The following MAPK10 variants were observed in gnomAD, a reference collection of about 807,000 sequenced individuals.
MAPK10 encodes the protein JNK3 alpha protein kinase.
In MAPK10, 25 loss-of-function variants were observed where a neutral mutation model predicts 59.3. The ratio of observed to expected loss-of-function variants is 0.42; its 90% CI spans 0.31 to 0.59. MAPK10 has a LOEUF of 0.59. Among genes scored for constraint, MAPK10 ranks in the 20% least tolerant of loss-of-function variants. The pLI, the probability that MAPK10 is intolerant of heterozygous loss-of-function variation, is 0.15. For missense variants in MAPK10, 351 were observed against 568.9 expected (o/e 0.62, Z 3.90); for synonymous variants, 190 against 200.5 (o/e 0.95, Z 0.44).
intron 8 of MAPK10, 122 bp downstream of exon 8, chr4:86,100,930 T>C: frequency 1.3e-6 from 1 of 770,162 alleles, no homozygotes; most frequent in Non-Finnish European, 2.0e-6. Flanking sequence ...ACCCTGAATA[T>C]GCTATCTGGC....
upstream of MAPK10, among the ~76,000 whole-genome samples, chr4:86,363,168 CACAGAGATAA>C (rs1487776228): frequency 2.0e-5 from 3 of 152,132 alleles, no homozygotes; most frequent in Middle Eastern, 6.8e-3. Context: ...AAAGATAACA[CACAGAGATAA>C]ATAAATACAA....
At chr4:86,524,341 C>A (rs1411787140) in intron 1 of MAPK10, among the ~76,000 whole-genome samples, 1 of 152,216 alleles carries the variant, frequency 6.6e-6, no homozygotes, top group Non-Finnish European at 1.5e-5. Context: ...TTTATGCAAT[C>A]ACCTACTTAG....
At chr4:86,034,678 T>C (rs879708579) in intron 11 of MAPK10, among the ~76,000 whole-genome samples, 1 of 151,206 alleles carries the variant, frequency 6.6e-6, no homozygotes, top group Non-Finnish European at 1.5e-5. Context: ...AGATCATTAG[T>C]ATACAACATG....
intron 2 of MAPK10, among the ~76,000 whole-genome samples, chr4:86,278,043 G>C (rs1374057319): frequency 4.6e-5 from 7 of 151,916 alleles, no homozygotes; most frequent in Admixed American, 3.9e-4. Context: ...AAAGAGGATG[G>C]GCTTACACAG....
At chr4:86,042,397 G>A (rs529789059) in intron 11 of MAPK10, among the ~76,000 whole-genome samples, 3 of 151,986 alleles carry the variant, frequency 2.0e-5, no homozygotes, top group Admixed American at 2.0e-4. Flanking sequence ...CTAGAAGCTG[G>A]GTTGATAGGT....
At chr4:86,061,702 T>A (rs919574658) in intron 11 of MAPK10, among the ~76,000 whole-genome samples, 1 of 152,160 alleles carries the variant, frequency 6.6e-6, no homozygotes, top group African/African-American at 2.4e-5. Context: ...TTGTTCTTTA[T>A]CCCCTATCCA....
chr4:86,050,457 C>G (rs143710672), intron 11 of MAPK10, among the ~76,000 whole-genome samples: 1 of 151,984 alleles, frequency 6.6e-6, no homozygotes, highest in East Asian at 1.9e-4. Context: ...AATTGTTGAC[C>G]CACAGTGGTT....
chr4:86,333,236 A>C (rs13110630), intron 2 of MAPK10, among the ~76,000 whole-genome samples: 108,782 of 152,064 alleles, frequency 0.72, 39,816 homozygotes, highest in South Asian at 0.9. Context: ...TGGGCCAGTC[A>C]ATACTCTCAG....
chr4:86,416,501 T>C (rs900192452), intron 1 of MAPK10, among the ~76,000 whole-genome samples: 1 of 152,186 alleles, frequency 6.6e-6, no homozygotes, highest in East Asian at 1.9e-4. Flanking sequence ...ACAGATCTTG[T>C]GGAAAAGGAT....
At chr4:86,436,495 G>T (rs1748736314) in intron 1 of MAPK10, among the ~76,000 whole-genome samples, 1 of 152,054 alleles carries the variant, frequency 6.6e-6, no homozygotes, top group Non-Finnish European at 1.5e-5. Flanking sequence ...TTTAGTATAG[G>T]CACCAATGTA....
rs1578062456 is a variant in MAPK10 at position 86,311,032 on chromosome 4, A to T, written c.-7+43498T>A. Among the ~76,000 whole-genome samples, 6 of 146,860 alleles carry T rather than the reference A, an allele frequency of 4.1e-5. No individual in the cohort carries two copies. In the South Asian group the frequency reaches 1.4e-3, roughly 33 times the overall value. Reference sequence around the variant, plus strand: ...AGCACTATATGATTACACAGTTTTAAGTTACACACACACACACACACACAC... The same window carrying T: ...AGCACTATATGATTACACAGTTTTATGTTACACACACACACACACACACAC... On this transcript the variant is annotated intron_variant, in intron 2 of 13. Coordinates refer to ENST00000641462, the MANE Select transcript of MAPK10 (RefSeq NM_138982.4).
chr4:86,440,624 T>A (rs1749299139), intron 1 of MAPK10, among the ~76,000 whole-genome samples: 1 of 134,988 alleles, frequency 7.4e-6, no homozygotes, highest in Non-Finnish European at 1.6e-5. Context: ...CGAGATCCTG[T>A]CTCAAAAAAA....
At chr4:86,480,379 C>A in intron 1 of MAPK10, among the ~76,000 whole-genome samples, 1 of 152,002 alleles carries the variant, frequency 6.6e-6, no homozygotes, top group Non-Finnish European at 1.5e-5. Context: ...CTTTACCTAC[C>A]CAAATCTTAT....
rs62305521 is a variant in MAPK10, at chr4:86,059,328, C to T, written c.1110+4938G>A. The stretch of plus-strand genomic sequence containing the variant: ...AACTTGTTTCTATAAATTCTTTCAC[C>T]GTAGGCAAAAATAACATAATCCCTA... On this transcript the variant is annotated intron_variant, in intron 11 of 13. Coordinates refer to ENST00000641462, the MANE Select transcript of MAPK10 (RefSeq NM_138982.4). Among the ~76,000 whole-genome samples the T allele has an allele frequency of 2.8e-3, 424 of 152,094 alleles. 1 individual carries two copies. The highest frequency in any genetic ancestry group is 4.6e-3 in the Non-Finnish European group (313 of 67,966).
intron 11 of MAPK10, among the ~76,000 whole-genome samples, chr4:86,058,639 G>A (rs1346044864): frequency 6.7e-6 from 1 of 149,646 alleles, no homozygotes; most frequent in Non-Finnish European, 1.5e-5. Flanking sequence ...GCTTATCTCT[G>A]TGTTGGTCCA....
intron 2 of MAPK10, among the ~76,000 whole-genome samples, chr4:86,315,459 C>T (rs1462761435): frequency 6.6e-6 from 1 of 151,998 alleles, no homozygotes; most frequent in Non-Finnish European, 1.5e-5. Context: ...TCCCACTTTC[C>T]ATGATGTGAT....
rs1384661416 is a variant in MAPK10 at position 86,075,260 on chromosome 4, C to T, written c.803-7305G>A. On this transcript the variant is annotated intron_variant, in intron 9 of 13. Transcript: ENST00000641462. The stretch of plus-strand genomic sequence containing the variant: ...TCAGCTCCATCAGCTCCTTTAAGCA[C>T]TTCTCTGTATTGGTTATTCTAGTTA... Among the ~76,000 whole-genome samples the T allele has an allele frequency of 2.0e-5, 3 of 152,082 alleles. No individual in the cohort carries two copies. In the South Asian group the frequency reaches 6.2e-4, roughly 32 times the overall value.
intron 1 of MAPK10, among the ~76,000 whole-genome samples, chr4:86,374,715 G>GCA (rs1223311351): frequency 6.6e-6 from 1 of 152,144 alleles, no homozygotes; most frequent in East Asian, 1.9e-4. Context: ...TCCTTTTTGA[G>GCA]CACAGGCTCT....
At chr4:86,428,829 A>G (rs1020609818) in intron 1 of MAPK10, among the ~76,000 whole-genome samples, 6 of 152,224 alleles carry the variant, frequency 3.9e-5, no homozygotes, top group African/African-American at 1.2e-4. Flanking sequence ...ACTTGAATTT[A>G]TGTACTAAAT....
Sources: gnomAD v4.1 joint callset for allele counts (sites outside exome capture counted in the v4.1 genomes callset) on GRCh38, gnomAD v4.1.1 for gene constraint, MANE v1.5 for transcripts, NCBI Gene and HGNC (gene_info 2026-07-23, HGNC 2026-07-21) for gene names.